Variants in FOXN3 observed in about 807,000 individuals in gnomAD.
FOXN3 encodes forkhead box N3, also known as forkhead box protein N3.
In FOXN3, 7 loss-of-function variants were observed where a neutral mutation model predicts 38.4. That is an observed-to-expected ratio of 0.18 (90% CI 0.10 to 0.34). The LOEUF is 0.34. Ranked by LOEUF, FOXN3 falls within the 10% of genes least tolerant of loss-of-function variation. The probability of loss-of-function intolerance (pLI) is 1.00; values close to 1 mark genes in which losing one functional copy is unlikely to be tolerated. For synonymous variants in FOXN3, 230 were observed against 242.2 expected (o/e 0.95, Z 0.47); for missense variants, 456 against 613.4 (o/e 0.74, Z 2.71).
At position 89,350,796 on chromosome 14, in the gene FOXN3, CT is replaced by C; in HGVS notation, c.555del (p.Ser187ArgfsTer5). 1 of 1,565,032 alleles carries C rather than the reference CT, an allele frequency of 6.4e-7. No homozygotes were observed. Among genetic ancestry groups the C allele is most frequent in the Non-Finnish European group, 8.6e-7 (1 of 1,162,362 alleles). ...VDKERSQSIG[K>X]GSLWCIDPEY... ...TCTGGGTCTATGCACCACAACGACC[CT>C]TTCCCAATACTCTGCAAAGAAAATT... On this transcript the variant is annotated frameshift_variant, in exon 3 of 6. Coordinates refer to ENST00000557258, the MANE Select transcript of FOXN3 (RefSeq NM_005197.4). LOFTEE classifies it high-confidence loss of function.
intron 1 of FOXN3, among the ~76,000 whole-genome samples, chr14:89,413,965 T>TGGAGGAGGA (rs148455780): frequency 5.9e-5 from 6 of 101,996 alleles, no homozygotes; most frequent in African/African-American, 2.2e-4. Flanking sequence ...GGAGGAGGGA[T>TGGAGGAGGA]GGAGGAGGAG....
At chr14:89,506,120 G>A in intron 1 of FOXN3, among the ~76,000 whole-genome samples, 1 of 126,312 alleles carries the variant, frequency 7.9e-6, no homozygotes, top group Non-Finnish European at 1.7e-5. Context: ...GGAGGTGAGG[G>A]GCGCCTCTGC....
chr14:89,213,249 G>C (rs1434986484), intron 4 of FOXN3, among the ~76,000 whole-genome samples: 1 of 152,184 alleles, frequency 6.6e-6, no homozygotes, highest in Non-Finnish European at 1.5e-5. Flanking sequence ...GGCCTCATAA[G>C]AAAAGGGTAT....
chr14:89,596,277 A>C (rs939436517), intron 1 of FOXN3, among the ~76,000 whole-genome samples: 1 of 152,108 alleles, frequency 6.6e-6, no homozygotes, highest in African/African-American at 2.4e-5. Flanking sequence ...AGCTAGGATT[A>C]TAGGCACGTG....
At chr14:89,289,195 AAAGAAAAG>A (rs1286763183) in intron 3 of FOXN3, among the ~76,000 whole-genome samples, 1,127 of 8,170 alleles carry the variant, frequency 0.14, 17 homozygotes, top group African/African-American at 0.17. Flanking sequence ...AAAAAAAAAA[AAAGAAAAG>A]AAAAAGAAAA....
chr14:89,321,579 A>G (rs1451874053), intron 3 of FOXN3, among the ~76,000 whole-genome samples: 2 of 152,184 alleles, frequency 1.3e-5, no homozygotes, highest in Non-Finnish European at 2.9e-5. Context: ...TCTGTCTCAA[A>G]AAAATAAAAT....
intron 1 of FOXN3, among the ~76,000 whole-genome samples, chr14:89,496,622 G>A (rs1234022238): frequency 9.2e-5 from 14 of 152,230 alleles, no homozygotes; most frequent in Admixed American, 2.0e-4. Flanking sequence ...CCTACACCCC[G>A]CAATGTTTTT....
chr14:89,541,218 G>C (rs1000409720), intron 1 of FOXN3, among the ~76,000 whole-genome samples: 2 of 152,174 alleles, frequency 1.3e-5, no homozygotes, highest in Admixed American at 6.5e-5. Context: ...GGTGCTGTAA[G>C]AGGTGTTTGA....
At chr14:89,190,191 T>C (rs1887907035) in intron 4 of FOXN3, among the ~76,000 whole-genome samples, 1 of 152,262 alleles carries the variant, frequency 6.6e-6, no homozygotes, top group African/African-American at 2.4e-5. Context: ...AACACACCTA[T>C]GCATTCATTC....
chr14:89,246,587 T>A (rs1223732410), intron 4 of FOXN3, among the ~76,000 whole-genome samples: 1 of 138,366 alleles, frequency 7.2e-6, no homozygotes, highest in African/African-American at 2.7e-5. Context: ...GTTGCCAGGC[T>A]GGAGTTCAGG....
chr14:89,251,016 T>C (rs1885439062), intron 4 of FOXN3, among the ~76,000 whole-genome samples: 1 of 152,206 alleles, frequency 6.6e-6, no homozygotes, highest in Non-Finnish European at 1.5e-5. Flanking sequence ...TTATTAGTAG[T>C]GTGAGAAGAG....
intron 5 of FOXN3, among the ~76,000 whole-genome samples, chr14:89,170,568 G>A (rs968498021): frequency 1.3e-5 from 2 of 152,060 alleles, no homozygotes; most frequent in Non-Finnish European, 2.9e-5. Context: ...GAGCCACCAC[G>A]CCTGGCTGAA....
At position 89,163,659 on chromosome 14, in the gene FOXN3, C is replaced by T. The variant is rs1011656216; in HGVS notation, c.852-690G>A. ...TCACAGACCAGAGGGCAATAAACTA[C>T]GACTTCCCGAACTCAACACCTGCCA... On this transcript the variant is annotated intron_variant, in intron 5 of 5. Transcript: ENST00000557258. The surrounding 1 kb of genome is among the most constrained non-coding windows in gnomAD (Gnocchi z 4.3). 2.6e-5 allele frequency among the ~76,000 whole-genome samples: 4 copies of T among 152,142 alleles called. No individual in the cohort carries two copies. Among genetic ancestry groups the T allele is most frequent in the African/African-American group, 7.2e-5 (3 of 41,418 alleles).
chr14:89,500,332 A>G (rs768029283), intron 1 of FOXN3, among the ~76,000 whole-genome samples: 1 of 152,216 alleles, frequency 6.6e-6, no homozygotes, highest in Non-Finnish European at 1.5e-5. Flanking sequence ...CACTGAGGCA[A>G]TGAGTCAATT....
chr14:89,505,031 T>C (rs1216898363), intron 1 of FOXN3, among the ~76,000 whole-genome samples: 1 of 152,032 alleles, frequency 6.6e-6, no homozygotes, highest in African/African-American at 2.4e-5. Flanking sequence ...CAGCATACGG[T>C]GGGATAAAGG....
Position 89,412,249 on chromosome 14 carries a change from A to G in FOXN3, c.228T>C (p.Phe76=), listed in dbSNP as rs762982754. ...LHESKNLLKS[F]GESVLRSVSP... ...TGACACTCCTGAGGACCGACTCCCCAAAGCTCTTCAGCAAGTTCTTGCTCT... is the reference window on the plus strand; with the variant it reads ...TGACACTCCTGAGGACCGACTCCCCGAAGCTCTTCAGCAAGTTCTTGCTCT... The change falls in exon 2 of 6, where the codon TTT becomes TTC. Residue 76 remains phenylalanine, a synonymous_variant. Transcript: ENST00000557258. The surrounding 1 kb of genome is among the most constrained non-coding windows in gnomAD (Gnocchi z 4.7). The G allele has an allele frequency of 5.0e-6, 8 of 1,613,974 alleles. No individual in the cohort carries two copies. The highest frequency in any genetic ancestry group is 1.7e-5 in the Admixed American group (1 of 59,994).
intron 2 of FOXN3, among the ~76,000 whole-genome samples, chr14:89,409,737 C>A (rs934028145): frequency 1.3e-5 from 2 of 152,150 alleles, no homozygotes; most frequent in African/African-American, 2.4e-5. Context: ...TATACAGAAG[C>A]TTTAAATACC....
At chr14:89,278,156 G>A (rs1028029966) in intron 4 of FOXN3, among the ~76,000 whole-genome samples, 1 of 152,196 alleles carries the variant, frequency 6.6e-6, no homozygotes, top group Non-Finnish European at 1.5e-5. Flanking sequence ...TGGACTCACA[G>A]TTCCACGTGG....
intron 1 of FOXN3, among the ~76,000 whole-genome samples, chr14:89,534,699 A>G (rs1401476121): frequency 1.3e-5 from 2 of 152,158 alleles, no homozygotes; most frequent in African/African-American, 4.8e-5. Flanking sequence ...ATCCCAAACC[A>G]ATTCAGTCAG....
Sources: allele counts gnomAD v4.1 joint callset (sites outside exome capture counted in the v4.1 genomes callset), GRCh38; gene constraint gnomAD v4.1.1; non-coding constraint Gnocchi (gnomAD v3.1); transcripts MANE v1.5; gene names NCBI Gene and HGNC (gene_info 2026-07-23, HGNC 2026-07-21).